The following GPC5 variants were observed in gnomAD, a reference collection of about 807,000 sequenced individuals.
GPC5 encodes glypican-5.
GPC5 carries 47 observed loss-of-function variants against 53.9 expected under a neutral mutation model. The observed-to-expected ratio is 0.87, with a 90% CI of 0.69 to 1.11. The LOEUF is 1.11. GPC5 is among the 50% of genes most tolerant of loss of function. The probability of loss-of-function intolerance (pLI) is 0.00; values close to 1 mark genes in which losing one functional copy is unlikely to be tolerated. For missense variants in GPC5, 748 were observed against 713.1 expected (o/e 1.05, Z -0.56); for synonymous variants, 286 against 263.3 (o/e 1.09, Z -0.84).
chr13:92,243,465 A>G (rs2042628410), intron 7 of GPC5, among the ~76,000 whole-genome samples: 1 of 152,134 alleles, frequency 6.6e-6, no homozygotes. Context: ...AGGCGTGAGC[A>G]TGGCTTGGGC....
chr13:92,603,045 T>C (rs188506974), intron 7 of GPC5, among the ~76,000 whole-genome samples: 1 of 152,346 alleles, frequency 6.6e-6, no homozygotes, highest in East Asian at 1.9e-4. Flanking sequence ...CCTATGTACA[T>C]AGTGTCTACA....
rs1451805502 is a variant in GPC5 at position 92,746,125 on chromosome 13, T to C, written c.1562-120157T>C. Among the ~76,000 whole-genome samples the C allele has an allele frequency of 3.3e-5, 5 of 152,220 alleles. No individual in the cohort carries two copies. The East Asian group carries it at 9.7e-4, about 29-fold the overall frequency. ...TAAGATTGGGCCCCATCCTGTCGTC[T>C]AGTCATTCCCTCAAAATGGAGTATT... On this transcript the variant is annotated intron_variant, in intron 7 of 7. Coordinates refer to ENST00000377067, the MANE Select transcript of GPC5 (RefSeq NM_004466.6).
intron 7 of GPC5, among the ~76,000 whole-genome samples, chr13:92,409,142 A>T (rs1162302891): frequency 6.6e-6 from 1 of 152,032 alleles, no homozygotes; most frequent in Non-Finnish European, 1.5e-5. Flanking sequence ...AATTAAACAA[A>T]TATATTTAAA....
intron 2 of GPC5, among the ~76,000 whole-genome samples, chr13:91,491,936 C>T (rs1280608735): frequency 6.6e-6 from 1 of 152,184 alleles, no homozygotes; most frequent in Non-Finnish European, 1.5e-5. Flanking sequence ...TGGGAGACCA[C>T]TGTTCAGCTC....
chr13:92,649,025 C>A (rs1273093413), intron 7 of GPC5, among the ~76,000 whole-genome samples: 1 of 152,044 alleles, frequency 6.6e-6, no homozygotes, highest in Admixed American at 6.6e-5. Context: ...ATAATAGTCA[C>A]CTTTAAAGCT....
intron 2 of GPC5, among the ~76,000 whole-genome samples, chr13:91,673,742 A>G (rs2035304448): frequency 6.6e-6 from 1 of 152,204 alleles, no homozygotes; most frequent in Admixed American, 6.5e-5. Context: ...GCACTTGCCC[A>G]TAGCAGGCAT....
At chr13:92,679,757 C>T (rs1350847769) in intron 7 of GPC5, among the ~76,000 whole-genome samples, 9 of 152,058 alleles carry the variant, frequency 5.9e-5, no homozygotes, top group Admixed American at 1.3e-4. Context: ...ACTAATGGAT[C>T]TCTTGGCCAT....
chr13:92,567,495 A>G (rs1882896600), intron 7 of GPC5, among the ~76,000 whole-genome samples: 1 of 152,180 alleles, frequency 6.6e-6, no homozygotes, highest in African/African-American at 2.4e-5. Context: ...TAAAAATGGC[A>G]TGAATGCTGT....
At chr13:92,474,673 A>G (rs1268187826) in intron 7 of GPC5, among the ~76,000 whole-genome samples, 1 of 151,950 alleles carries the variant, frequency 6.6e-6, no homozygotes, top group Admixed American at 6.6e-5. Flanking sequence ...TTAGAAATAC[A>G]TATTCTCAAT....
chr13:92,546,858 A>G (rs1379735594), intron 7 of GPC5, among the ~76,000 whole-genome samples: 1 of 152,150 alleles, frequency 6.6e-6, no homozygotes, highest in Non-Finnish European at 1.5e-5. Context: ...CTCAGAAATA[A>G]TGCCGCATAT....
At chr13:91,441,286 A>G (rs1004523593) in intron 1 of GPC5, among the ~76,000 whole-genome samples, 2 of 152,226 alleles carry the variant, frequency 1.3e-5, no homozygotes, top group Non-Finnish European at 2.9e-5. Context: ...ACTTCAGGGC[A>G]GGGAACTTGA....
intron 2 of GPC5, among the ~76,000 whole-genome samples, chr13:91,691,884 A>G (rs1594437024): frequency 6.6e-6 from 1 of 152,340 alleles, no homozygotes; most frequent in African/African-American, 2.4e-5. Flanking sequence ...CAACCTAATT[A>G]AAAGTGACTA....
chr13:91,462,574 A>G (rs147136743), intron 2 of GPC5, among the ~76,000 whole-genome samples: 98 of 152,230 alleles, frequency 6.4e-4, no homozygotes, highest in African/African-American at 2.3e-3. Context: ...AAAATGTGAA[A>G]TATCGTTGCG....
chr13:92,096,153 A>AGTTTGTATCAATGACATACAGCTTTGG (rs1355506956), intron 6 of GPC5, among the ~76,000 whole-genome samples: 2 of 152,312 alleles, frequency 1.3e-5, no homozygotes, highest in East Asian at 3.9e-4. Context: ...ACTTACTAGC[A>AGTTTGTATCAATGACATACAGCTTTGG]GTTTGTATCA....
chr13:92,177,913 C>T (rs2042120001), intron 7 of GPC5, among the ~76,000 whole-genome samples: 1 of 151,984 alleles, frequency 6.6e-6, no homozygotes, highest in African/African-American at 2.4e-5. Flanking sequence ...TTAAAGATGC[C>T]CCAGTATTCT....
intron 7 of GPC5, among the ~76,000 whole-genome samples, chr13:92,384,977 C>A (rs1285909117): frequency 6.6e-6 from 1 of 152,108 alleles, no homozygotes; most frequent in Non-Finnish European, 1.5e-5. Flanking sequence ...TCTACCTGGA[C>A]CTTCAATGTA....
At chr13:92,617,092 C>T (rs186003828) in intron 7 of GPC5, among the ~76,000 whole-genome samples, 60 of 152,146 alleles carry the variant, frequency 3.9e-4, no homozygotes, top group Admixed American at 5.2e-4. Context: ...AATGCTGTTG[C>T]GCTTAGAAAA....
At chr13:91,816,832 G>GAA (rs1256404841) in intron 5 of GPC5, among the ~76,000 whole-genome samples, 1 of 152,142 alleles carries the variant, frequency 6.6e-6, no homozygotes, top group African/African-American at 2.4e-5. Context: ...GCAATCATGT[G>GAA]TCTGAATCTT....
At chr13:91,638,218 A>G (rs2034330351) in intron 2 of GPC5, among the ~76,000 whole-genome samples, 1 of 151,986 alleles carries the variant, frequency 6.6e-6, no homozygotes, top group South Asian at 2.1e-4. Flanking sequence ...CGTATATCAA[A>G]CCTCAAGTCT....
Sources: allele counts gnomAD v4.1 joint callset (sites outside exome capture counted in the v4.1 genomes callset), GRCh38; gene constraint gnomAD v4.1.1; transcripts MANE v1.5; gene names NCBI Gene and HGNC (gene_info 2026-07-23, HGNC 2026-07-21).